The following IQGAP1 variants were observed in gnomAD, a reference collection of about 807,000 sequenced individuals.
IQGAP1 encodes IQ motif containing GTPase activating protein 1.
A neutral mutation model predicts 215.6 loss-of-function variants in IQGAP1; 66 were observed. The ratio of observed to expected loss-of-function variants is 0.31; its 90% CI spans 0.25 to 0.38. IQGAP1 has a LOEUF of 0.38. IQGAP1 is among the 10% of genes least tolerant of loss of function. IQGAP1 has a pLI of 1.00. For missense variants in IQGAP1, 1,712 were observed against 1,997.1 expected, an observed-to-expected ratio of 0.86 and a Z score of 2.72; for synonymous variants, 772 against 728.7, an observed-to-expected ratio of 1.06 and a Z score of -0.96.
intron 15 of IQGAP1, among the ~76,000 whole-genome samples, chr15:90,460,996 C>CT (rs1217900656): frequency 1.4e-5 from 1 of 69,596 alleles, no homozygotes; most frequent in Non-Finnish European, 2.6e-5. Context: ...AAGACCCTGT[C>CT]TTTAAAAAAA....
intron 18 of IQGAP1, 151 bp from the exon 19 acceptor site, chr15:90,472,689 C>A: frequency 1.5e-6 from 1 of 657,172 alleles, no homozygotes; most frequent in East Asian, 2.9e-5. Flanking sequence ...AAAAACAGAC[C>A]TGAGGGCTTT....
At chr15:90,466,189 A>G (rs1201518544) in intron 16 of IQGAP1, 80 bp from the exon 17 acceptor site, 2 of 1,573,920 alleles carry the variant, frequency 1.3e-6, no homozygotes, top group Admixed American at 1.7e-5. Flanking sequence ...ACAATTTGCC[A>G]GTAGATATAG....
At chr15:90,485,953 ATCAT>A in intron 30 of IQGAP1, 73 bp from the exon 31 acceptor site, 1 of 1,091,524 alleles carries the variant, frequency 9.2e-7, no homozygotes, top group Admixed American at 2.0e-5. Flanking sequence ...CTTTGTGCAG[ATCAT>A]TGTTAGACAT....
At chr15:90,472,694 G>A in intron 18 of IQGAP1, 146 bp from the exon 19 acceptor site, 1 of 676,174 alleles carries the variant, frequency 1.5e-6, no homozygotes, top group Non-Finnish European at 2.4e-6. Context: ...CAGACCTGAG[G>A]GCTTTATTCC....
intron 15 of IQGAP1, among the ~76,000 whole-genome samples, chr15:90,463,563 T>C (rs1282852299): frequency 1.3e-5 from 2 of 152,232 alleles, no homozygotes; most frequent in African/African-American, 2.4e-5. Context: ...TTTCCAGTAG[T>C]TATTCTTAGG....
chr15:90,496,305 C>CTTTT (rs1966272249), intron 36 of IQGAP1, among the ~76,000 whole-genome samples: 1 of 118,204 alleles, frequency 8.5e-6, no homozygotes, highest in African/African-American at 4.1e-5. Flanking sequence ...CAGCATAATC[C>CTTTT]CTTTTTTTTT....
chr15:90,441,706 T>C, intron 8 of IQGAP1, 22 bp downstream of exon 8: 1 of 1,518,320 alleles, frequency 6.6e-7, no homozygotes, highest in Non-Finnish European at 9.0e-7. Flanking sequence ...ACATCTATTC[T>C]TTCTAATTAA....
At position 90,449,244 on chromosome 15, in the gene IQGAP1, T is replaced by C. The variant is rs143262499; in HGVS notation, c.1078-315T>C. 1.6e-3 allele frequency among the ~76,000 whole-genome samples: 244 copies of C among 152,276 alleles called. 1 individual carries two copies. Among genetic ancestry groups the C allele is most frequent in the Middle Eastern group, 0.01 (3 of 294 alleles). On this transcript the variant is annotated intron_variant, in intron 10 of 37. Coordinates refer to ENST00000268182, the MANE Select transcript of IQGAP1 (RefSeq NM_003870.4). ...AGGGCAAGTATACATTTTACAAATATCCAGCGTACGTTGGTCAAAGTAAGT... is the reference window on the plus strand; with the variant it reads ...AGGGCAAGTATACATTTTACAAATACCCAGCGTACGTTGGTCAAAGTAAGT...
chr15:90,410,159 C>G (rs1422101872), intron 2 of IQGAP1, among the ~76,000 whole-genome samples: 1 of 152,264 alleles, frequency 6.6e-6, no homozygotes, highest in Non-Finnish European at 1.5e-5. Flanking sequence ...TAATTAGATC[C>G]CATTTCTCAA....
intron 37 of IQGAP1, among the ~76,000 whole-genome samples, chr15:90,498,663 G>C (rs147715703): frequency 1.3e-4 from 20 of 151,284 alleles, no homozygotes; most frequent in African/African-American, 2.7e-4. Flanking sequence ...TTTTTTGGAG[G>C]GGGGGGCAGA....
At chr15:90,449,192 T>A (rs1200185471) in intron 10 of IQGAP1, among the ~76,000 whole-genome samples, 1 of 151,542 alleles carries the variant, frequency 6.6e-6, no homozygotes, top group East Asian at 1.9e-4. Context: ...AGAACAAACA[T>A]GAGGGGCTTT....
At chr15:90,451,330 C>A (rs1351118061) in intron 11 of IQGAP1, among the ~76,000 whole-genome samples, 2 of 152,168 alleles carry the variant, frequency 1.3e-5, no homozygotes, top group East Asian at 3.8e-4. Context: ...AGCATCTGCT[C>A]AGCTTCTGGT....
chr15:90,399,278 T>C lies in IQGAP1; in HGVS notation c.155+8405T>C, dbSNP rs146164620. ...TATTGTCTTAATTTACTATTTTCAG[T>C]GGCCATCTAATGTTCATAATTTATT... is the stretch of plus-strand genomic sequence containing the variant. On this transcript the variant is annotated intron_variant, in intron 2 of 37. Coordinates refer to ENST00000268182, the MANE Select transcript of IQGAP1 (RefSeq NM_003870.4). Among the ~76,000 whole-genome samples, 419 of 152,280 alleles carry C rather than the reference T, an allele frequency of 2.8e-3. 2 individuals carry two copies. Among genetic ancestry groups the C allele is most frequent in the Middle Eastern group, 0.01 (3 of 294 alleles).
rs1174300543 is a variant in IQGAP1, at chr15:90,483,483, C to T, written c.3678C>T (p.Gly1226=). 2 of 1,614,182 alleles carry T rather than the reference C, an allele frequency of 1.2e-6. No homozygotes were observed. The highest frequency in any genetic ancestry group is 1.7e-6 in the Non-Finnish European group (2 of 1,180,024). The change falls in exon 29 of 38, where the codon GGC becomes GGT. Residue 1226 remains glycine, a synonymous_variant. Coordinates refer to ENST00000268182, the MANE Select transcript of IQGAP1 (RefSeq NM_003870.4). The part of the protein sequence containing the change: ...QLTTDQRRNL[G]SIAKMLQHAA... ...CCACAGACCAACGCCGAAATCTGGG[C>T]TCCATTGCAAAAATGCTTCAGCATG... is the stretch of plus-strand genomic sequence containing the variant.
At chr15:90,484,174 A>G in intron 29 of IQGAP1, 46 bp from the exon 30 acceptor site, 2 of 1,589,598 alleles carry the variant, frequency 1.3e-6, no homozygotes, top group Non-Finnish European at 1.7e-6. Context: ...TGCCAACTTC[A>G]TGTGTATGTC....
At chr15:90,450,058 A>G (rs1965579961) in intron 11 of IQGAP1, among the ~76,000 whole-genome samples, 1 of 152,182 alleles carries the variant, frequency 6.6e-6, no homozygotes, top group South Asian at 2.1e-4. Flanking sequence ...AACTATCATC[A>G]TCCTACTGTG....
At position 90,486,012 on chromosome 15, in the gene IQGAP1, G is replaced by C; in HGVS notation, c.3922-18G>C. ...AAGAGTTGAATGTATAAATGGAGTT[G>C]ATCATTGGTGTTTGCAGCTCCTGTT... is the stretch of plus-strand genomic sequence containing the variant. On this transcript the variant is annotated intron_variant, in intron 30 of 37. Coordinates refer to ENST00000268182, the MANE Select transcript of IQGAP1 (RefSeq NM_003870.4). 1.3e-6 allele frequency: 2 copies of C among 1,595,046 alleles called. No individual in the cohort carries two copies. The highest frequency in any genetic ancestry group is 1.7e-6 in the Non-Finnish European group (2 of 1,163,620).
At position 90,441,696 on chromosome 15, in the gene IQGAP1, A is replaced by C; in HGVS notation, c.828+12A>C. 1 of 1,558,020 alleles carries C rather than the reference A, an allele frequency of 6.4e-7. No homozygotes were observed. The highest frequency in any genetic ancestry group is 8.8e-7 in the Non-Finnish European group (1 of 1,139,744). On this transcript the variant is annotated intron_variant, in intron 8 of 37. Transcript: ENST00000268182. ...ATGCTAAAAACAGGGTAAAAATGCA[A>C]CATCTATTCTTTCTAATTAATTTAT...
chr15:90,437,389 G>A (rs1310098241), intron 5 of IQGAP1, among the ~76,000 whole-genome samples: 1 of 152,140 alleles, frequency 6.6e-6, no homozygotes, highest in Non-Finnish European at 1.5e-5. Flanking sequence ...TTTCTTGTTC[G>A]CTATTTCCAA....
Sources: gnomAD v4.1 joint callset for allele counts (sites outside exome capture counted in the v4.1 genomes callset) on GRCh38, gnomAD v4.1.1 for gene constraint, MANE v1.5 for transcripts, NCBI Gene and HGNC (gene_info 2026-07-23, HGNC 2026-07-21) for gene names.